Variants in CFAP92 observed in about 807,000 individuals in gnomAD.
CFAP92 encodes uncharacterized protein CFAP92.
Under a neutral mutation model 106.3 loss-of-function variants are expected in CFAP92, and 86 were observed. The ratio of observed to expected loss-of-function variants is 0.81; its 90% CI spans 0.68 to 0.97. The LOEUF is 0.97. Ranked by LOEUF, CFAP92 falls within the 50% of genes least tolerant of loss-of-function variation. CFAP92 has a pLI of 0.00. For missense variants in CFAP92, 1,204 were observed against 1,283.8 expected (o/e 0.94, Z 0.95); for synonymous variants, 477 against 506.4 (o/e 0.94, Z 0.78).
chr3:128,928,124 G>A (rs1486922616), intron 12 of CFAP92, among the ~76,000 whole-genome samples: 1 of 152,042 alleles, frequency 6.6e-6, no homozygotes, highest in Non-Finnish European at 1.5e-5. Context: ...GTGGTGGCGG[G>A]TATGTGTAGT....
At chr3:128,945,027 C>T (rs1396047377) in intron 10 of CFAP92, 44 bp downstream of exon 10, 1 of 1,438,526 alleles carries the variant, frequency 7.0e-7, no homozygotes, top group African/African-American at 1.4e-5. Context: ...CCTCGGCATC[C>T]AGATGCCATC....
upstream of CFAP92, among the ~76,000 whole-genome samples, chr3:129,007,525 C>A (rs1347539027): frequency 1.3e-5 from 2 of 152,236 alleles, no homozygotes; most frequent in East Asian, 1.9e-4. Flanking sequence ...AATGACCCAA[C>A]AAACACCTTT....
chr3:128,995,355 G>A (rs1200886280), upstream of CFAP92, among the ~76,000 whole-genome samples: 1 of 152,148 alleles, frequency 6.6e-6, no homozygotes, highest in Non-Finnish European at 1.5e-5. Flanking sequence ...GACACCAAAT[G>A]GCAGTGGGCC....
chr3:129,001,971 G>C (rs1944790244), intron 1 of CFAP92: 6 of 1,544,692 alleles, frequency 3.9e-6, no homozygotes, highest in Non-Finnish European at 3.5e-6. Flanking sequence ...GGATGCGGCC[G>C]CTGAGTTGGC....
At chr3:128,948,430 C>G (rs1235925286) in intron 9 of CFAP92, among the ~76,000 whole-genome samples, 1 of 127,748 alleles carries the variant, frequency 7.8e-6, no homozygotes, top group Non-Finnish European at 1.6e-5. Context: ...TACCATGTTG[C>G]CCAGGCTGGT....
chr3:129,015,421 G>GC, the CFAP92 span, among the ~76,000 whole-genome samples: 7 of 151,986 alleles, frequency 4.6e-5, no homozygotes, highest in African/African-American at 1.7e-4. Flanking sequence ...TGCTCCTTCG[G>GC]GGGGGGAGGT....
the CFAP92 span, among the ~76,000 whole-genome samples, chr3:129,022,532 G>A: frequency 1.3e-5 from 2 of 152,190 alleles, no homozygotes; most frequent in African/African-American, 2.4e-5. Context: ...GGCCAGATGT[G>A]GCCATCAGCC....
chr3:128,996,615 A>C (rs1944488828), upstream of CFAP92, among the ~76,000 whole-genome samples: 1 of 152,200 alleles, frequency 6.6e-6, no homozygotes, highest in Non-Finnish European at 1.5e-5. Context: ...CTTCTGTTTC[A>C]GTTATCTGTT....
At position 128,932,681 on chromosome 3, in the gene CFAP92, G is replaced by A; in HGVS notation, c.2751+19C>T. 1 of 1,520,772 alleles carries A rather than the reference G, an allele frequency of 6.6e-7. No individual in the cohort carries two copies. The highest frequency in any genetic ancestry group is 8.8e-7 in the Non-Finnish European group (1 of 1,139,068). 94.2% of individuals were successfully genotyped at this position (1,520,772 alleles called of 1,614,324 possible). A position where few individuals can be genotyped will look rare whatever the true frequency, so the allele number is the denominator to read the frequency against. ...AGGTGAGGCCTGGGAACCCCAAGTT[G>A]GGGAGGAAGGCGGCCCACCTGGATG... is the stretch of plus-strand genomic sequence containing the variant. On this transcript the variant is annotated intron_variant, in intron 12 of 15. Coordinates refer to ENST00000645291, the MANE Select transcript of CFAP92 (RefSeq NM_001394090.1).
the CFAP92 span, among the ~76,000 whole-genome samples, chr3:129,017,442 C>T: frequency 6.6e-6 from 1 of 152,350 alleles, no homozygotes; most frequent in African/African-American, 2.4e-5. Flanking sequence ...CTTCTCTGCA[C>T]AAGCTCGCAC....
Position 128,911,659 on chromosome 3 carries a change from C to T in CFAP92, c.3281-1326G>A, listed in dbSNP as rs535347801. 4.0e-5 allele frequency among the ~76,000 whole-genome samples: 6 copies of T among 151,820 alleles called. No homozygotes were observed. The South Asian group carries it at 1.2e-3, about 32-fold the overall frequency. ...GTTTCACCATGTTGGCCAAGCTGGTCTCCAACCCCTGACCTCAGGTGATCC... is the reference window on the plus strand; with the variant it reads ...GTTTCACCATGTTGGCCAAGCTGGTTTCCAACCCCTGACCTCAGGTGATCC... On this transcript the variant is annotated intron_variant, in intron 15 of 15. Coordinates refer to ENST00000645291, the MANE Select transcript of CFAP92 (RefSeq NM_001394090.1).
At chr3:128,962,769 A>G (rs1942043612) in intron 9 of CFAP92, among the ~76,000 whole-genome samples, 2 of 152,172 alleles carry the variant, frequency 1.3e-5, no homozygotes. Context: ...TAAAACCTAT[A>G]AACTCTCCTT....
intron 12 of CFAP92, among the ~76,000 whole-genome samples, chr3:128,918,685 T>A (rs1313186533): frequency 6.6e-6 from 1 of 152,194 alleles, no homozygotes; most frequent in Non-Finnish European, 1.5e-5. Flanking sequence ...ATAAAAGGGA[T>A]GTAAATGTAC....
the CFAP92 span, among the ~76,000 whole-genome samples, chr3:129,023,526 G>T: frequency 6.6e-6 from 1 of 152,074 alleles, no homozygotes. Flanking sequence ...TAGAGACGAG[G>T]TTTCACCATG....
chr3:129,026,338 A>G, the CFAP92 span, among the ~76,000 whole-genome samples: 1 of 151,932 alleles, frequency 6.6e-6, no homozygotes, highest in Non-Finnish European at 1.5e-5. Context: ...TGCTTGTTGA[A>G]ACCCTTAAAT....
At chr3:128,983,967 A>T (rs1943688352) in intron 4 of CFAP92, among the ~76,000 whole-genome samples, 1 of 152,182 alleles carries the variant, frequency 6.6e-6, no homozygotes, top group South Asian at 2.1e-4. Flanking sequence ...AGGAGAGAGG[A>T]GGGGGAACAA....
intron 12 of CFAP92, among the ~76,000 whole-genome samples, chr3:128,918,269 A>G (rs540793574): frequency 6.6e-6 from 1 of 152,324 alleles, no homozygotes; most frequent in Non-Finnish European, 1.5e-5. Flanking sequence ...CAGAAGTTCA[A>G]GACCAGCTTG....
At chr3:128,910,872 G>GAA (rs1205670343) in intron 15 of CFAP92, 5 of 1,583,830 alleles carry the variant, frequency 3.2e-6, no homozygotes, top group Non-Finnish European at 4.3e-6. Context: ...CCTATTGATG[G>GAA]TGAGCTGTTT....
In CFAP92 at chr3:128,910,014, A is replaced by C; in HGVS notation, c.*285T>G. The C allele has an allele frequency of 6.2e-7, 1 of 1,613,280 alleles. No homozygotes were observed. Among genetic ancestry groups the C allele is most frequent in the Non-Finnish European group, 8.5e-7 (1 of 1,179,826 alleles). On this transcript the variant is annotated 3_prime_UTR_variant, in exon 16 of 16. Transcript: ENST00000645291. ...TGAGTCCCCACTTGGAGCCTCTGTGATCCCAGACCATCATGGAGGAGCAGC... is the reference window on the plus strand; with the variant it reads ...TGAGTCCCCACTTGGAGCCTCTGTGCTCCCAGACCATCATGGAGGAGCAGC...
Sources: gnomAD v4.1 joint callset for allele counts (sites outside exome capture counted in the v4.1 genomes callset) on GRCh38, gnomAD v4.1.1 for gene constraint, MANE v1.5 for transcripts, NCBI Gene and HGNC (gene_info 2026-07-23, HGNC 2026-07-21) for gene names.